The following KIAA1217 variants were observed in gnomAD, a reference collection of about 807,000 sequenced individuals.
The protein encoded by KIAA1217 is KIAA1217.
Under a neutral mutation model 163.9 loss-of-function variants are expected in KIAA1217, and 88 were observed. The ratio of observed to expected loss-of-function variants is 0.54; its 90% CI spans 0.45 to 0.64. KIAA1217 has a LOEUF of 0.64. Among genes scored for constraint, KIAA1217 ranks in the 30% least tolerant of loss-of-function variants. The probability of loss-of-function intolerance (pLI) is 0.00; values close to 1 mark genes in which losing one functional copy is unlikely to be tolerated. For synonymous variants in KIAA1217, 903 were observed against 923.1 expected, an observed-to-expected ratio of 0.98 and a Z score of 0.39; for missense variants, 2,372 against 2,475.0, an observed-to-expected ratio of 0.96 and a Z score of 0.88.
intron 2 of KIAA1217, among the ~76,000 whole-genome samples, chr10:24,162,618 G>C (rs1323199685): frequency 2.0e-5 from 3 of 152,310 alleles, no homozygotes; most frequent in Admixed American, 1.3e-4. Flanking sequence ...TTAGTTATCT[G>C]TTCTGCACAA....
chr10:24,301,244 G>C (rs956201073), intron 2 of KIAA1217, among the ~76,000 whole-genome samples: 1 of 151,910 alleles, frequency 6.6e-6, no homozygotes, highest in Non-Finnish European at 1.5e-5. Context: ...TTAGAACCAG[G>C]TCATTATTTT....
chr10:24,401,203 A>T (rs988309892), intron 3 of KIAA1217, among the ~76,000 whole-genome samples: 55 of 146,320 alleles, frequency 3.8e-4, no homozygotes, highest in African/African-American at 7.7e-4. Context: ...ATATATATAT[A>T]TTTTTATCCA....
intron 1 of KIAA1217, among the ~76,000 whole-genome samples, chr10:23,932,426 A>G (rs1180496649): frequency 1.3e-5 from 2 of 151,772 alleles, no homozygotes; most frequent in Non-Finnish European, 2.9e-5. Flanking sequence ...AAAAAAAAAA[A>G]GTGCAACTTT....
At chr10:23,765,017 C>T (rs1387486185) in intron 1 of KIAA1217, among the ~76,000 whole-genome samples, 1 of 151,492 alleles carries the variant, frequency 6.6e-6, no homozygotes, top group Non-Finnish European at 1.5e-5. Flanking sequence ...GGCTTCTCCC[C>T]CAAAAAAACC....
intron 5 of KIAA1217, among the ~76,000 whole-genome samples, chr10:24,443,014 G>T (rs565769841): frequency 1.9e-4 from 28 of 150,104 alleles, no homozygotes; most frequent in African/African-American, 6.6e-4. Context: ...AGGTTCAAGC[G>T]ATTCTCCCAC....
At chr10:23,959,673 G>A (rs1844733357) in intron 1 of KIAA1217, among the ~76,000 whole-genome samples, 1 of 152,156 alleles carries the variant, frequency 6.6e-6, no homozygotes, top group Non-Finnish European at 1.5e-5. Flanking sequence ...ATTTGATGAA[G>A]AGTGGACAGT....
intron 2 of KIAA1217, among the ~76,000 whole-genome samples, chr10:24,231,128 C>A (rs1221208274): frequency 2.0e-5 from 3 of 152,104 alleles, no homozygotes; most frequent in Non-Finnish European, 2.9e-5. Context: ...GTTGGATTTG[C>A]CTTTAATAAT....
intron 1 of KIAA1217, among the ~76,000 whole-genome samples, chr10:23,801,146 T>TA (rs1277398025): frequency 6.6e-6 from 1 of 151,988 alleles, no homozygotes; most frequent in Non-Finnish European, 1.5e-5. Context: ...TATGCAGCCA[T>TA]AAAAAAGGAT....
At chr10:23,697,534 T>C (rs1836123909) in intron 1 of KIAA1217, among the ~76,000 whole-genome samples, 1 of 151,988 alleles carries the variant, frequency 6.6e-6, no homozygotes. Context: ...TTAGTTTCAT[T>C]ATTCATTATT....
intron 2 of KIAA1217, among the ~76,000 whole-genome samples, chr10:24,177,880 G>A (rs1471728589): frequency 6.6e-6 from 1 of 152,170 alleles, no homozygotes; most frequent in Admixed American, 6.5e-5. Context: ...TGATTAACAA[G>A]TTGTCAGAAT....
intron 1 of KIAA1217, among the ~76,000 whole-genome samples, chr10:23,789,560 T>G (rs572297863): frequency 6.6e-5 from 10 of 152,208 alleles, no homozygotes; most frequent in African/African-American, 2.2e-4. Flanking sequence ...TAATGAGGAT[T>G]AAGTGAGGTG....
At chr10:24,006,993 C>T (rs988827264) in intron 1 of KIAA1217, among the ~76,000 whole-genome samples, 3 of 152,112 alleles carry the variant, frequency 2.0e-5, no homozygotes, top group African/African-American at 7.2e-5. Context: ...TTATAGCGTC[C>T]AACTAATGTT....
intron 1 of KIAA1217, among the ~76,000 whole-genome samples, chr10:23,974,401 G>A (rs903659252): frequency 3.3e-5 from 5 of 152,104 alleles, no homozygotes; most frequent in Non-Finnish European, 5.9e-5. Context: ...GTGTGATATT[G>A]GACAAATAGC....
At chr10:23,969,634 T>C (rs754810337) in intron 1 of KIAA1217, among the ~76,000 whole-genome samples, 3 of 152,234 alleles carry the variant, frequency 2.0e-5, no homozygotes, top group Admixed American at 1.3e-4. Flanking sequence ...GTTATTTATA[T>C]CTTTACTATT....
At chr10:23,798,101 G>A (rs1220785038) in intron 1 of KIAA1217, among the ~76,000 whole-genome samples, 1 of 152,148 alleles carries the variant, frequency 6.6e-6, no homozygotes, top group African/African-American at 2.4e-5. Flanking sequence ...GGAGTGTGAT[G>A]TGCAAGAGAG....
In KIAA1217 at chr10:23,976,077, C is replaced by G. The variant is rs571810126; in HGVS notation, c.-320-31148C>G. On this transcript the variant is annotated intron_variant, in intron 1 of 18. Transcript: ENST00000376462. The stretch of plus-strand genomic sequence containing the variant: ...GCTCAATGTCAAAACGAAATAGGAC[C>G]CCACAGAGCAACAGATTTCATCCTC... 5.3e-5 allele frequency among the ~76,000 whole-genome samples: 8 copies of G among 152,164 alleles called. No individual in the cohort carries two copies. The East Asian group carries it at 1.5e-3, about 29-fold the overall frequency.
chr10:24,282,902 C>T lies in KIAA1217; in HGVS notation c.354+62993C>T, dbSNP rs377666420. 1.4e-3 allele frequency among the ~76,000 whole-genome samples: 201 copies of T among 140,300 alleles called. 1 individual carries two copies. Among genetic ancestry groups the T allele is most frequent in the African/African-American group, 4.7e-3 (178 of 37,728 alleles). 92.0% of individuals were successfully genotyped at this position (140,300 alleles called of 152,430 possible). ...AGGCTGGAGTGCAATGGCGCAATCT[C>T]GGCTCACTGCAACCTCCGCCTTCCA... is the stretch of plus-strand genomic sequence containing the variant. On this transcript the variant is annotated intron_variant, in intron 2 of 20. Coordinates refer to ENST00000376454, the MANE Select transcript of KIAA1217 (RefSeq NM_019590.5).
chr10:24,520,367 T>C (rs2070907980), intron 11 of KIAA1217, 114 bp downstream of exon 11: 11 of 1,418,196 alleles, frequency 7.8e-6, no homozygotes, highest in African/African-American at 1.4e-5. Context: ...AACGTCTACA[T>C]GTGCCAGGCA....
intron 2 of KIAA1217, among the ~76,000 whole-genome samples, chr10:24,234,177 T>G (rs1051315664): frequency 6.6e-6 from 1 of 151,914 alleles, no homozygotes; most frequent in Non-Finnish European, 1.5e-5. Context: ...AACATGATGC[T>G]CAAAGGTCAT....
Sources: allele counts gnomAD v4.1 joint callset (sites outside exome capture counted in the v4.1 genomes callset), GRCh38; gene constraint gnomAD v4.1.1; transcripts MANE v1.5; gene names NCBI Gene and HGNC (gene_info 2026-07-23, HGNC 2026-07-21).